PEBP4: variants seen among roughly 807,000 people sequenced by gnomAD.
The protein encoded by PEBP4 is phosphatidylethanolamine-binding protein 4.
A neutral mutation model predicts 23.9 loss-of-function variants in PEBP4; 22 were observed. The ratio of observed to expected loss-of-function variants is 0.92; its 90% CI spans 0.66 to 1.31. The LOEUF (loss-of-function observed/expected upper bound fraction) is 1.31, where lower values mean the gene tolerates loss of function less well. Among genes scored for constraint, PEBP4 ranks in the 40% most tolerant of loss-of-function variants. The pLI is 0.00. For synonymous variants in PEBP4, 112 were observed against 99.3 expected, an observed-to-expected ratio of 1.13 and a Z score of -0.76; for missense variants, 324 against 281.7, an observed-to-expected ratio of 1.15 and a Z score of -1.07.
intron 4 of PEBP4, among the ~76,000 whole-genome samples, chr8:22,790,185 GT>G (rs796245631): frequency 3.9e-5 from 6 of 152,338 alleles, no homozygotes; most frequent in African/African-American, 1.4e-4. Flanking sequence ...TGCATGGGCT[GT>G]TTGATGATTC....
chr8:22,717,062 G>A (rs1039599253), intron 6 of PEBP4, among the ~76,000 whole-genome samples: 4 of 152,134 alleles, frequency 2.6e-5, no homozygotes, highest in Admixed American at 6.5e-5. Context: ...GATTCCCTTC[G>A]GCAGGACCAT....
rs896080822 is a variant in PEBP4 at position 22,767,885 on chromosome 8, G to A, written c.358-40665C>T. Among the ~76,000 whole-genome samples the A allele has an allele frequency of 1.4e-4, 21 of 152,140 alleles. No homozygotes were observed. In the East Asian group the frequency reaches 2.1e-3, roughly 15 times the overall value. On this transcript the variant is annotated intron_variant, in intron 4 of 6. Coordinates refer to ENST00000256404, the MANE Select transcript of PEBP4 (RefSeq NM_144962.3). ...CTCCTGAGTATCTGGGATTACAGGCGCTGCCACTATGCCCAGCTAATTTTT... is the reference window on the plus strand; with the variant it reads ...CTCCTGAGTATCTGGGATTACAGGCACTGCCACTATGCCCAGCTAATTTTT...
intron 3 of PEBP4, among the ~76,000 whole-genome samples, chr8:22,883,329 G>A (rs1310572474): frequency 6.6e-6 from 1 of 152,170 alleles, no homozygotes; most frequent in Non-Finnish European, 1.5e-5. Flanking sequence ...AGCCTGCATA[G>A]TGTTTGCCAC....
chr8:22,717,470 G>A (rs974773952), intron 6 of PEBP4, among the ~76,000 whole-genome samples: 1 of 143,948 alleles, frequency 6.9e-6, no homozygotes. Context: ...CCATCCTGAT[G>A]TACTTCCCTC....
intron 4 of PEBP4, among the ~76,000 whole-genome samples, chr8:22,788,556 C>T (rs915178899): frequency 6.6e-6 from 1 of 152,206 alleles, no homozygotes; most frequent in Non-Finnish European, 1.5e-5. Context: ...AATACCTACA[C>T]GTGTCCCATC....
chr8:22,777,925 C>G lies in PEBP4; in HGVS notation c.357+39712G>C, dbSNP rs914465761. Among the ~76,000 whole-genome samples, 5 of 152,154 alleles carry G rather than the reference C, an allele frequency of 3.3e-5. No homozygotes were observed. The East Asian group carries it at 5.8e-4, about 18-fold the overall frequency. On this transcript the variant is annotated intron_variant, in intron 4 of 6. Transcript: ENST00000256404. ...AGCTTGGCTCCTTCGTTACAGCCCC[C>G]CTCCGCTCTCCTCTTTCCTTTCCCA... is the stretch of plus-strand genomic sequence containing the variant.
At chr8:22,817,604 A>T in intron 4 of PEBP4, 33 bp downstream of exon 4, 5 of 1,580,866 alleles carry the variant, frequency 3.2e-6, no homozygotes, top group Non-Finnish European at 3.5e-6. Context: ...TACAACCCCA[A>T]ATGCGTCAGA....
intron 3 of PEBP4, chr8:22,878,130 C>T (rs1191462957): frequency 2.0e-5 from 3 of 151,204 alleles, no homozygotes; most frequent in African/African-American, 7.3e-5. Context: ...CTGCTGTGCT[C>T]CTGCAAGCTG....
At chr8:22,909,142 G>A (rs959529145) in intron 3 of PEBP4, among the ~76,000 whole-genome samples, 5 of 152,148 alleles carry the variant, frequency 3.3e-5, no homozygotes, top group African/African-American at 9.7e-5. Flanking sequence ...GGTTCCTGGG[G>A]TAGGATGACG....
In PEBP4 at chr8:22,724,949, C is replaced by T; in HGVS notation, c.411G>A (p.Gln137=). 1.9e-6 allele frequency: 3 copies of T among 1,612,952 alleles called. No individual in the cohort carries two copies. The highest frequency in any genetic ancestry group is 2.5e-6 in the Non-Finnish European group (3 of 1,179,100). Residue 137 remains glutamine (Q), a synonymous_variant, in exon 6 of 7, where the codon CAG becomes CAA. Coordinates refer to ENST00000256404, the MANE Select transcript of PEBP4 (RefSeq NM_144962.3). ...CACTGTGTGCCGGTGGGGAGGGAGC[C>T]TGGTAGGCTATAGGTAGAAGCAGGA... The part of the protein sequence containing the change: ...KIQGQELSAY[Q]APSPPAHSGF...
chr8:22,811,530 T>C (rs1806628011), intron 4 of PEBP4, among the ~76,000 whole-genome samples: 1 of 152,046 alleles, frequency 6.6e-6, no homozygotes, highest in Admixed American at 6.6e-5. Flanking sequence ...CTGGCTTCTG[T>C]TAAAAATAGA....
chr8:22,907,882 TGA>T (rs1315977662), intron 3 of PEBP4, among the ~76,000 whole-genome samples: 1 of 151,954 alleles, frequency 6.6e-6, no homozygotes, highest in African/African-American at 2.4e-5. Context: ...TGATGGTGGA[TGA>T]GAGAGGTGGT....
intron 3 of PEBP4, chr8:22,895,935 G>A (rs774566559): frequency 6.6e-6 from 1 of 152,240 alleles, no homozygotes; most frequent in Non-Finnish European, 1.5e-5. Context: ...CCATGGGCAG[G>A]TTTCTTCATG....
chr8:22,761,345 C>G (rs1161331836), intron 4 of PEBP4, among the ~76,000 whole-genome samples: 2 of 151,702 alleles, frequency 1.3e-5, no homozygotes, highest in Non-Finnish European at 2.9e-5. Flanking sequence ...TTATCTTGCC[C>G]GGAAGAGGTC....
intron 3 of PEBP4, among the ~76,000 whole-genome samples, chr8:22,853,398 C>T (rs1807584944): frequency 6.6e-6 from 1 of 152,216 alleles, no homozygotes; most frequent in South Asian, 2.1e-4. Flanking sequence ...TGCTTTCATA[C>T]TAAAGGAAGT....
chr8:22,889,148 A>G (rs1394827500), intron 3 of PEBP4, among the ~76,000 whole-genome samples: 1 of 152,254 alleles, frequency 6.6e-6, no homozygotes, highest in Non-Finnish European at 1.5e-5. Context: ...TTGGACTCAA[A>G]AGACCTGGGT....
intron 4 of PEBP4, among the ~76,000 whole-genome samples, chr8:22,778,600 C>T (rs368362071): frequency 2.5e-4 from 38 of 152,238 alleles, no homozygotes; most frequent in African/African-American, 8.4e-4. Context: ...CTGTTTCCCT[C>T]GCCTGTGATC....
chr8:22,776,797 T>C (rs79956494), intron 4 of PEBP4, among the ~76,000 whole-genome samples: 2,254 of 148,250 alleles, frequency 0.015, 67 homozygotes, highest in African/African-American at 0.054. Context: ...ATCCGAGATA[T>C]TGGTCAATGA....
intron 4 of PEBP4, among the ~76,000 whole-genome samples, chr8:22,810,877 TGAGAGAGA>T (rs33995327): frequency 0.052 from 7,192 of 137,224 alleles, 234 homozygotes; most frequent in Admixed American, 0.085. Context: ...CTCAGAGTGC[TGAGAGAGA>T]GAGAGAGAGA....
Sources: gnomAD v4.1 joint callset for allele counts (sites outside exome capture counted in the v4.1 genomes callset) on GRCh38, gnomAD v4.1.1 for gene constraint, MANE v1.5 for transcripts, NCBI Gene and HGNC (gene_info 2026-07-23, HGNC 2026-07-21) for gene names.